The following CYP4A11 variants were observed in gnomAD, a reference collection of about 807,000 sequenced individuals.
The protein encoded by CYP4A11 is cytochrome P450 4A11.
In CYP4A11, 52 loss-of-function variants were observed where a neutral mutation model predicts 57.7. That is an observed-to-expected ratio of 0.90 (90% CI 0.72 to 1.14). The LOEUF (loss-of-function observed/expected upper bound fraction) is 1.14. Ranked by LOEUF, CYP4A11 falls within the 50% of genes most tolerant of loss-of-function variation. The pLI, the probability that CYP4A11 is intolerant of heterozygous loss-of-function variation, is 0.00. For synonymous variants in CYP4A11, 228 were observed against 247.1 expected, an observed-to-expected ratio of 0.92 and a Z score of 0.72; for missense variants, 641 against 642.1, an observed-to-expected ratio of 1.00 and a Z score of 0.02.
chr1:46,933,834 T>C, intron 9 of CYP4A11, 112 bp downstream of exon 9: 1 of 1,476,490 alleles, frequency 6.8e-7, no homozygotes. Flanking sequence ...TTGATTTTTT[T>C]AGAACAAAAG....
In CYP4A11 at chr1:46,934,042, T is replaced by C. The variant is rs1681209019; in HGVS notation, c.1126A>G (p.Ile376Val). 3 of 1,613,716 alleles carry C rather than the reference T, an allele frequency of 1.9e-6. No individual in the cohort carries two copies. Among genetic ancestry groups the C allele is most frequent in the Non-Finnish European group, 2.5e-6 (3 of 1,179,910 alleles). The change falls in exon 9 of 12, where the codon ATT becomes GTT. Residue 376 changes from isoleucine (I) to valine (V), a missense_variant. Transcript: ENST00000310638. ...LDQMPYTTMC[I>V]KEALRLYPPV... ...GGGTAGAGCCTCAGTGCCTCCTTAA[T>C]GCACATGGTGGTGTAGGGCATCTGG... is the stretch of plus-strand genomic sequence containing the variant.
intron 11 of CYP4A11, chr1:46,931,678 T>A (rs1323315918): frequency 2.9e-6 from 2 of 678,728 alleles, no homozygotes; most frequent in African/African-American, 3.9e-5. Flanking sequence ...GACTTTCTCA[T>A]GCTGGGATAG....
chr1:46,937,259 A>T (rs1436028089), intron 3 of CYP4A11, 43 bp downstream of exon 3: 2 of 1,604,274 alleles, frequency 1.2e-6, no homozygotes, highest in South Asian at 2.2e-5. Context: ...AATAACTCAA[A>T]CCTGACTAGG....
In CYP4A11 at chr1:46,938,164, A is replaced by G. The variant is rs766382909; in HGVS notation, c.196-27T>C. ...TGTCAACAAGGGTAGACAGATGAAC[A>G]CTTTCATTTACTTCTAGTCTTTGCA... On this transcript the variant is annotated intron_variant, in intron 1 of 11. Transcript: ENST00000310638. 25 of 1,613,768 alleles carry G rather than the reference A, an allele frequency of 1.5e-5. No individual in the cohort carries two copies. In the East Asian group the frequency reaches 1.8e-4, roughly 12 times the overall value.
At chr1:46,931,397 G>A in intron 11 of CYP4A11, 11 of 453,144 alleles carry the variant, frequency 2.4e-5, no homozygotes, top group Non-Finnish European at 3.2e-5. Context: ...GATGGTTGAT[G>A]GAACGATGTG....
At position 46,938,098 on chromosome 1, in the gene CYP4A11, C is replaced by G; in HGVS notation, c.235G>C (p.Val79Leu). 10 of 1,614,230 alleles carry G rather than the reference C, an allele frequency of 6.2e-6. No homozygotes were observed. The highest frequency in any genetic ancestry group is 8.5e-6 in the Non-Finnish European group (10 of 1,180,044). Reference protein sequence around the residue: ...DQELQRIQKWVETFPSACPHW... With the variant: ...DQELQRIQKWLETFPSACPHW... ...GGACAGGCACTTGGGAATGTCTCCA[C>G]CCATTTCTGAATCCGTTGTAGCTCC... Residue 79 changes from valine to leucine, a missense_variant, in exon 2 of 12, where the codon GTG becomes CTG. Transcript: ENST00000310638.
In CYP4A11 at chr1:46,934,495, C is replaced by T. The variant is rs377297951; in HGVS notation, c.855G>A (p.Arg285=). 130 of 1,613,766 alleles carry T rather than the reference C, an allele frequency of 8.1e-5. No homozygotes were observed. Among genetic ancestry groups the T allele is most frequent in the Non-Finnish European group, 1.1e-4 (124 of 1,179,870 alleles). Residue 285 remains arginine (R), a synonymous_variant, in exon 7 of 12, where the codon AGG becomes AGA. Coordinates refer to ENST00000310638, the MANE Select transcript of CYP4A11 (RefSeq NM_000778.4). ...QKEGELEKIK[R]KRHLDFLDIL... is the part of the protein sequence containing the mutation. ...TATCCAGAAAATCCAAATGCCTCTTCCTCTTGATCTTCTCCAGCTCCCCCT... is the reference window on the plus strand; with the variant it reads ...TATCCAGAAAATCCAAATGCCTCTTTCTCTTGATCTTCTCCAGCTCCCCCT...
chr1:46,933,139 A>T, intron 9 of CYP4A11, 92 bp from the exon 10 acceptor site: 1 of 1,559,588 alleles, frequency 6.4e-7, no homozygotes, highest in Non-Finnish European at 8.7e-7. Context: ...AGGCCCAAAA[A>T]GCCTACTTTC....
chr1:46,941,002 T>C, intron 1 of CYP4A11: 1 of 985,086 alleles, frequency 1.0e-6, no homozygotes, highest in Non-Finnish European at 1.2e-6. Flanking sequence ...CAAGACACAC[T>C]TGATATCTGC....
chr1:46,933,452 T>C (rs1488084667), intron 9 of CYP4A11, among the ~76,000 whole-genome samples: 2 of 152,204 alleles, frequency 1.3e-5, no homozygotes, highest in Non-Finnish European at 2.9e-5. Flanking sequence ...TTGTCTTGTC[T>C]ATGTTCACAC....
intron 1 of CYP4A11, among the ~76,000 whole-genome samples, chr1:46,939,641 GAGA>G (rs1314815002): frequency 6.6e-6 from 1 of 152,206 alleles, no homozygotes; most frequent in Non-Finnish European, 1.5e-5. Flanking sequence ...CTGGCCTCTT[GAGA>G]AGGATAGCTC....
chr1:46,932,519 A>G, intron 11 of CYP4A11: 4 of 1,399,728 alleles, frequency 2.9e-6, no homozygotes, highest in Non-Finnish European at 3.7e-6. Flanking sequence ...ATGCACTGAC[A>G]GTGAATTCAG....
chr1:46,936,916 A>T, intron 3 of CYP4A11, 125 bp from the exon 4 acceptor site: 1 of 1,444,644 alleles, frequency 6.9e-7, no homozygotes, highest in Non-Finnish European at 9.1e-7. Flanking sequence ...CAAGGGGAGA[A>T]CTATCCAGAA....
chr1:46,936,839 G>GTGTGTGTT (rs565263524), intron 3 of CYP4A11, 48 bp from the exon 4 acceptor site: 1 of 1,522,764 alleles, frequency 6.6e-7, no homozygotes, highest in Admixed American at 2.0e-5. Flanking sequence ...GTGTGTGTGT[G>GTGTGTGTT]TGTGTCAGGG....
intron 11 of CYP4A11, chr1:46,931,601 A>G (rs1681032056): frequency 2.8e-6 from 2 of 704,080 alleles, no homozygotes; most frequent in Non-Finnish European, 3.5e-6. Context: ...TGAGCTAGAA[A>G]TGGACCTTAG....
chr1:46,935,711 C>G (rs1681346256), intron 4 of CYP4A11, 64 bp from the exon 5 acceptor site: 1 of 1,571,664 alleles, frequency 6.4e-7, no homozygotes, highest in Non-Finnish European at 8.6e-7. Context: ...TAAGGCCTGG[C>G]TTTTTCATGT....
chr1:46,937,464 T>A, intron 2 of CYP4A11, 118 bp from the exon 3 acceptor site: 1 of 1,040,364 alleles, frequency 9.6e-7, no homozygotes, highest in South Asian at 1.4e-5. Context: ...ACCTCCCACT[T>A]GACTCCCATC....
Position 46,930,201 on chromosome 1 carries a change from C to A in CYP4A11, c.1474G>T (p.Ala492Ser). 1 of 1,614,082 alleles carries A rather than the reference C, an allele frequency of 6.2e-7. No individual in the cohort carries two copies. Among genetic ancestry groups the A allele is most frequent in the Non-Finnish European group, 8.5e-7 (1 of 1,179,988 alleles). ...TTTTTGGATTTCAACACAAGTCGTG[C>A]AATGGGGATGGGGATCCTGGTGGGA... ...PDPTRIPIPI[A>S]RLVLKSKNGI... is the part of the protein sequence containing the mutation. Residue 492 changes from alanine (A) to serine (S), a missense_variant, in exon 12 of 12, where the codon GCA becomes TCA. Ala to Ser is a moderately conservative substitution (Grantham distance 99, BLOSUM62 1). Transcript: ENST00000310638.
rs896528918 is a variant in CYP4A11, at chr1:46,930,366, G to C, written c.1365-56C>G. 1.5e-5 allele frequency: 23 copies of C among 1,551,900 alleles called. No individual in the cohort carries two copies. The African/African-American group carries it at 2.7e-4, about 18-fold the overall frequency. ...GTGTCCTCAGGCCCCATTCTGATCT[G>C]AGCAGGTTTTGGCCCCTGACCCCAG... On this transcript the variant is annotated intron_variant, in intron 11 of 11. Transcript: ENST00000310638.
Sources: gnomAD v4.1 joint callset for allele counts (sites outside exome capture counted in the v4.1 genomes callset) on GRCh38, gnomAD v4.1.1 for gene constraint, MANE v1.5 for transcripts, NCBI Gene and HGNC (gene_info 2026-07-23, HGNC 2026-07-21) for gene names.